The following TNNI3K variants were observed in gnomAD, a reference collection of about 807,000 sequenced individuals.
TNNI3K encodes serine/threonine-protein kinase TNNI3K.
Under a neutral mutation model 114.5 loss-of-function variants are expected in TNNI3K, and 140 were observed. That is an observed-to-expected ratio of 1.22 (90% confidence interval 1.07 to 1.41). TNNI3K has a LOEUF of 1.41. Among genes scored for constraint, TNNI3K ranks in the 40% most tolerant of loss-of-function variants. The probability of loss-of-function intolerance (pLI) is 0.00; values close to 1 mark genes in which losing one functional copy is unlikely to be tolerated. For synonymous variants in TNNI3K, 347 were observed against 347.5 expected, an observed-to-expected ratio of 1.00 and a Z score of 0.02; for missense variants, 1,125 against 1,007.6, an observed-to-expected ratio of 1.12 and a Z score of -1.58.
At chr1:74,391,766 G>T (rs1407497928) in intron 17 of TNNI3K, among the ~76,000 whole-genome samples, 1 of 152,064 alleles carries the variant, frequency 6.6e-6, no homozygotes, top group East Asian at 1.9e-4. Flanking sequence ...AGGAGTGGGT[G>T]CTCTCAGAGA....
rs550239619 is a variant in TNNI3K at position 74,321,820 on chromosome 1, T to A, written c.445-9630T>A. Among the ~76,000 whole-genome samples the A allele has an allele frequency of 3.3e-5, 5 of 152,178 alleles. No homozygotes were observed. In the East Asian group the frequency reaches 7.7e-4, roughly 24 times the overall value. ...CTGAAGAAACTATTTTCCAATAGAT[T>A]TTTGTACTCAAATACTTAATTAGAG... On this transcript the variant is annotated intron_variant, in intron 5 of 24. Coordinates refer to ENST00000326637, the MANE Select transcript of TNNI3K (RefSeq NM_015978.3).
intron 17 of TNNI3K, among the ~76,000 whole-genome samples, chr1:74,421,872 A>G (rs1370369123): frequency 6.6e-6 from 1 of 151,836 alleles, no homozygotes; most frequent in Admixed American, 6.6e-5. Context: ...TTCTGAATGC[A>G]TTTTTCCAAG....
At chr1:74,541,636 TTTAAC>T (rs1646727905) in intron 24 of TNNI3K, 1 of 152,240 alleles carries the variant, frequency 6.6e-6, no homozygotes, top group Admixed American at 6.6e-5. Flanking sequence ...GAAGCATTTC[TTTAAC>T]TTAATTTGTT....
chr1:74,347,618 C>T (rs191568624), intron 9 of TNNI3K, among the ~76,000 whole-genome samples: 124 of 152,296 alleles, frequency 8.1e-4, no homozygotes, highest in Admixed American at 5.0e-3. Context: ...GTCCCACCAA[C>T]AGTGTAAAAG....
In TNNI3K at chr1:74,442,250, G is replaced by A. The variant is rs1015908205; in HGVS notation, c.2011+2628G>A. On this transcript the variant is annotated intron_variant, in intron 20 of 24. Transcript: ENST00000326637. ...TATCCTTTCTTATTAAATTATTTTG[G>A]TACATTTTTCAAAAATCAGTTGACC... is the stretch of plus-strand genomic sequence containing the variant. Among the ~76,000 whole-genome samples, 6 of 151,258 alleles carry A rather than the reference G, an allele frequency of 4.0e-5. No homozygotes were observed. In the East Asian group the frequency reaches 1.2e-3, roughly 29 times the overall value.
chr1:74,538,943 A>T (rs936341192), intron 23 of TNNI3K, among the ~76,000 whole-genome samples: 3 of 152,166 alleles, frequency 2.0e-5, no homozygotes, highest in African/African-American at 7.2e-5. Context: ...GAGCATTTGT[A>T]TTTTATTCCA....
chr1:74,311,113 A>T (rs973434003), intron 5 of TNNI3K, among the ~76,000 whole-genome samples: 5 of 152,108 alleles, frequency 3.3e-5, no homozygotes, highest in African/African-American at 1.2e-4. Context: ...TTGTTTTTGC[A>T]GTTAACCTCC....
chr1:74,434,782 A>G (rs991007548), intron 17 of TNNI3K, among the ~76,000 whole-genome samples: 1 of 152,060 alleles, frequency 6.6e-6, no homozygotes, highest in African/African-American at 2.4e-5. Context: ...TGATTTTAAC[A>G]TATTTTAGAT....
chr1:74,523,347 GT>G (rs1443937969), intron 23 of TNNI3K, among the ~76,000 whole-genome samples: 1 of 151,970 alleles, frequency 6.6e-6, no homozygotes, highest in Non-Finnish European at 1.5e-5. Flanking sequence ...TGATATTTGT[GT>G]TTTTCTATAC....
intron 17 of TNNI3K, among the ~76,000 whole-genome samples, chr1:74,433,140 C>T (rs1416181009): frequency 6.6e-6 from 1 of 152,050 alleles, no homozygotes; most frequent in Admixed American, 6.6e-5. Flanking sequence ...TAGTTCACGA[C>T]ATCTCTCAGT....
chr1:74,379,962 G>T (rs1282419376), intron 17 of TNNI3K, among the ~76,000 whole-genome samples: 1 of 152,038 alleles, frequency 6.6e-6, no homozygotes, highest in South Asian at 2.1e-4. Flanking sequence ...TAAAAATAGT[G>T]CTCTTACTTA....
intron 17 of TNNI3K, among the ~76,000 whole-genome samples, chr1:74,420,036 G>A (rs1360024266): frequency 2.0e-5 from 3 of 152,058 alleles, no homozygotes; most frequent in South Asian, 2.1e-4. Flanking sequence ...GTTAGGAAGA[G>A]CGATAAGAGA....
chr1:74,490,703 T>A (rs1404890131), intron 22 of TNNI3K, among the ~76,000 whole-genome samples: 2 of 152,280 alleles, frequency 1.3e-5, no homozygotes, highest in Non-Finnish European at 1.5e-5. Context: ...AACTTTTCAG[T>A]CAACGGTTTA....
At chr1:74,529,546 T>C (rs566181959) in intron 23 of TNNI3K, among the ~76,000 whole-genome samples, 2 of 152,318 alleles carry the variant, frequency 1.3e-5, no homozygotes, top group South Asian at 4.1e-4. Context: ...AAAAGCGTTA[T>C]TGAGATAATT....
rs200540177 is a variant in TNNI3K, at chr1:74,368,284, CAT to C, written c.1321+323_1321+324del. Reference sequence around the variant, plus strand: ...TTTAAGGAGAATTGGGACTAGAAAACATATGTGAAAAAATATATATTATTTTT... The same window carrying C: ...TTTAAGGAGAATTGGGACTAGAAAACATGTGAAAAAATATATATTATTTTT... On this transcript the variant is annotated intron_variant, in intron 13 of 24. Transcript: ENST00000326637. Among the ~76,000 whole-genome samples the C allele has an allele frequency of 9.9e-5, 15 of 151,582 alleles. No individual in the cohort carries two copies. In the East Asian group the frequency reaches 1.6e-3, roughly 16 times the overall value.
chr1:74,469,633 C>T lies in TNNI3K; in HGVS notation c.2121+6083C>T, dbSNP rs145168124. The T allele has an allele frequency of 3.7e-4, 117 of 312,754 alleles. 2 individuals are homozygous for T. Among genetic ancestry groups the T allele is most frequent in the African/African-American group, 2.2e-3 (102 of 46,356 alleles). The allele number at this position is 312,754 out of a possible 1,614,324, so 19.4% of individuals were successfully genotyped here. On this transcript the variant is annotated intron_variant, in intron 21 of 24. Transcript: ENST00000326637. ...GCAAGACTTGGCAAAACTTTTCTTA[C>T]TTGTTTTTTCATTCCTTAGAGAAGC...
intron 20 of TNNI3K, among the ~76,000 whole-genome samples, chr1:74,460,157 C>T (rs1319360772): frequency 6.6e-6 from 1 of 151,770 alleles, no homozygotes; most frequent in Non-Finnish European, 1.5e-5. Context: ...CTCACTGCAA[C>T]CTCTGCCTCC....
chr1:74,325,430 G>A (rs1052126409), intron 5 of TNNI3K, among the ~76,000 whole-genome samples: 15 of 152,148 alleles, frequency 9.9e-5, no homozygotes, highest in Admixed American at 9.8e-4. Flanking sequence ...CAGGTATCTG[G>A]ATCAACTACA....
At chr1:74,339,082 A>G (rs995573443) in intron 7 of TNNI3K, among the ~76,000 whole-genome samples, 8 of 151,918 alleles carry the variant, frequency 5.3e-5, no homozygotes, top group Non-Finnish European at 1.2e-4. Context: ...CCTCTGCACA[A>G]CTCCAGAGCT....
Sources: allele counts gnomAD v4.1 joint callset (sites outside exome capture counted in the v4.1 genomes callset), GRCh38; gene constraint gnomAD v4.1.1; transcripts MANE v1.5; gene names NCBI Gene and HGNC (gene_info 2026-07-23, HGNC 2026-07-21).